The following PPM1A variants were observed in gnomAD, a reference collection of about 807,000 sequenced individuals.
PPM1A encodes the protein protein phosphatase, Mg2+/Mn2+ dependent 1A.
Under a neutral mutation model 35.0 loss-of-function variants are expected in PPM1A, and 7 were observed. The observed-to-expected ratio is 0.20, with a 90% confidence interval of 0.11 to 0.38. PPM1A has a LOEUF of 0.38. Among genes scored for constraint, PPM1A ranks in the 10% least tolerant of loss-of-function variants. The probability of loss-of-function intolerance (pLI) is 1.00; values close to 1 mark genes in which losing one functional copy is unlikely to be tolerated. For synonymous variants in PPM1A, 153 were observed against 167.3 expected (o/e 0.91, Z 0.66); for missense variants, 239 against 467.8 (o/e 0.51, Z 4.51).
intron 2 of PPM1A, among the ~76,000 whole-genome samples, chr14:60,285,280 A>C (rs543032668): frequency 2.0e-5 from 3 of 152,356 alleles, no homozygotes; most frequent in African/African-American, 7.2e-5. Context: ...ACACATGTAT[A>C]TTTGTATTAG....
At chr14:60,248,469 GT>G (rs1881937574), upstream of PPM1A, among the ~76,000 whole-genome samples, 2 of 152,348 alleles carry the variant, frequency 1.3e-5, no homozygotes, top group Non-Finnish European at 2.9e-5. Context: ...GCGTGAATCA[GT>G]TGCACTCGCA....
intron 1 of PPM1A, among the ~76,000 whole-genome samples, chr14:60,265,004 G>T (rs979276141): frequency 1.3e-5 from 2 of 151,958 alleles, no homozygotes; most frequent in African/African-American, 4.8e-5. Context: ...TTTTCTTTGT[G>T]TGTTTTGAGT....
chr14:60,247,339 A>C (rs1342261329), upstream of PPM1A, among the ~76,000 whole-genome samples: 2 of 152,112 alleles, frequency 1.3e-5, no homozygotes, highest in Admixed American at 1.3e-4. Flanking sequence ...TCATCTTCTA[A>C]GGAATTCTGG....
intron 3 of PPM1A, chr14:60,287,716 T>G (rs945656338): frequency 1.0e-6 from 1 of 985,080 alleles, no homozygotes; most frequent in Admixed American, 6.2e-5. Flanking sequence ...TGTTCCCTTC[T>G]AAATACTTGA....
At chr14:60,279,265 C>A (rs1284335040) in intron 1 of PPM1A, among the ~76,000 whole-genome samples, 1 of 152,094 alleles carries the variant, frequency 6.6e-6, no homozygotes, top group African/African-American at 2.4e-5. Context: ...ATTACAGGCG[C>A]CAGCCACCAC....
chr14:60,279,888 A>G (rs774048695), intron 1 of PPM1A, among the ~76,000 whole-genome samples: 1 of 148,764 alleles, frequency 6.7e-6, no homozygotes, highest in Non-Finnish European at 1.5e-5. Flanking sequence ...TAAAAATTAT[A>G]TAATAATATC....
chr14:60,293,527 C>A lies in PPM1A; in HGVS notation c.*1045C>A, dbSNP rs144474881. On this transcript the variant is annotated 3_prime_UTR_variant, in exon 6 of 6. Transcript: ENST00000395076. The surrounding 1 kb of genome is among the most constrained non-coding windows in gnomAD (Gnocchi z 4.0). ...ATTAGAAAGACTAAAAGATTTAATTCTTGGTTGTACCTTAATCTATTTTTT... is the reference window on the plus strand; with the variant it reads ...ATTAGAAAGACTAAAAGATTTAATTATTGGTTGTACCTTAATCTATTTTTT... 3 of 152,000 alleles carry A rather than the reference C, an allele frequency of 2.0e-5. No individual in the cohort carries two copies. Among genetic ancestry groups the A allele is most frequent in the African/African-American group, 7.2e-5 (3 of 41,428 alleles). 9.4% of individuals were successfully genotyped at this position (152,000 alleles called of 1,614,324 possible). A position where few individuals can be genotyped will look rare whatever the true frequency, so the allele number is the denominator to read the frequency against.
chr14:60,252,601 G>A (rs976884134), intron 1 of PPM1A, among the ~76,000 whole-genome samples: 5 of 152,180 alleles, frequency 3.3e-5, no homozygotes, highest in African/African-American at 1.2e-4. Flanking sequence ...GTCACAATAT[G>A]TCCTGTCTTC....
intron 1 of PPM1A, among the ~76,000 whole-genome samples, chr14:60,258,519 G>C (rs1015244371): frequency 3.3e-5 from 5 of 152,024 alleles, no homozygotes; most frequent in African/African-American, 1.2e-4. Context: ...TGTATCTAAT[G>C]ATGTTGATAA....
chr14:60,271,807 T>C (rs1000075120), intron 1 of PPM1A, among the ~76,000 whole-genome samples: 2 of 152,248 alleles, frequency 1.3e-5, no homozygotes, highest in South Asian at 4.1e-4. Context: ...GGGAATTCCA[T>C]CCACATGATT....
intron 1 of PPM1A, among the ~76,000 whole-genome samples, chr14:60,253,771 T>G (rs992156718): frequency 6.6e-6 from 1 of 152,200 alleles, no homozygotes; most frequent in African/African-American, 2.4e-5. Flanking sequence ...ATGTTAATTC[T>G]CAAGTGGTTG....
At chr14:60,284,364 G>A (rs1427050379) in intron 2 of PPM1A, among the ~76,000 whole-genome samples, 5 of 152,096 alleles carry the variant, frequency 3.3e-5, no homozygotes, top group Non-Finnish European at 7.4e-5. Flanking sequence ...GACTGTTGCC[G>A]GGCGCGGTGG....
At position 60,249,588 on chromosome 14, in the gene PPM1A, G is replaced by A. The variant is rs988943598; in HGVS notation, c.-110G>A. The A allele has an allele frequency of 6.1e-6, 6 of 986,938 alleles. No homozygotes were observed. In the African/African-American group the frequency reaches 8.8e-5, roughly 14 times the overall value. The allele number at this position is 986,938 out of a possible 1,614,324, so 61.1% of individuals were successfully genotyped here. A position where few individuals can be genotyped will look rare whatever the true frequency, so the allele number is the denominator to read the frequency against. On this transcript the variant is annotated 5_prime_UTR_variant, in exon 1 of 6. Coordinates refer to ENST00000395076, the MANE Select transcript of PPM1A (RefSeq NM_021003.5). This position sits in a 1 kb window ranked among gnomAD's most constrained non-coding sequence, Gnocchi z 4.5. ...TGCAGCGGTGACCCCTCCCCCGGCT[G>A]CCGCCGTCGCCGCCGCGGTGACCCC...
intron 1 of PPM1A, among the ~76,000 whole-genome samples, chr14:60,269,181 A>G (rs1400402688): frequency 6.6e-6 from 1 of 152,148 alleles, no homozygotes. Flanking sequence ...TGAAATTGCA[A>G]TTCTTGGTAT....
intron 3 of PPM1A, chr14:60,287,037 A>G (rs1237383042): frequency 4.3e-6 from 4 of 931,900 alleles, no homozygotes; most frequent in Admixed American, 6.2e-5. Flanking sequence ...TAAGAATAAT[A>G]TGTATAGGGA....
intron 1 of PPM1A, among the ~76,000 whole-genome samples, chr14:60,262,527 A>T (rs540869951): frequency 1.3e-5 from 2 of 152,246 alleles, no homozygotes; most frequent in Non-Finnish European, 2.9e-5. Context: ...CTACAAAAAA[A>T]TTTTTAAAAT....
chr14:60,250,490 C>T (rs1047538938), intron 1 of PPM1A: 39 of 925,508 alleles, frequency 4.2e-5, no homozygotes, highest in Non-Finnish European at 4.6e-5. Flanking sequence ...AGGTATTTTT[C>T]TTCTCTCCTG....
chr14:60,273,063 T>G lies in PPM1A; in HGVS notation c.-20-9621T>G, dbSNP rs1164848658. Reference sequence around the variant, plus strand: ...CTGAGGAACACTTTCTTCTCATTTCTTTGATGATAGCTTCTCTGTTTCTCC... The same window carrying G: ...CTGAGGAACACTTTCTTCTCATTTCGTTGATGATAGCTTCTCTGTTTCTCC... On this transcript the variant is annotated intron_variant, in intron 1 of 5. Transcript: ENST00000395076. This position sits in a 1 kb window ranked among gnomAD's most constrained non-coding sequence, Gnocchi z 4.3. 6.6e-6 allele frequency among the ~76,000 whole-genome samples: 1 copy of G among 152,238 alleles called. No individual in the cohort carries two copies. The highest frequency in any genetic ancestry group is 1.5e-5 in the Non-Finnish European group (1 of 68,044).
Position 60,289,862 on chromosome 14 carries a change from T to C in PPM1A, c.1009T>C (p.Leu337=), listed in dbSNP as rs145159470. 1.2e-4 allele frequency: 199 copies of C among 1,595,448 alleles called. No homozygotes were observed. In the East Asian group the frequency reaches 3.5e-3, roughly 28 times the overall value. The change falls in exon 4 of 6, where the codon TTA becomes CTA. Residue 337 remains leucine, a synonymous_variant. Transcript: ENST00000395076. The surrounding 1 kb of genome is among the most constrained non-coding windows in gnomAD (Gnocchi z 4.1). ...VPDLVHVMRT[L]ASENIPSLPP... is the part of the protein sequence containing the mutation. ...CGACTTAGTCCATGTGATGCGCACA[T>C]TAGCGAGTGAGAACATCCCCAGCCT... is the stretch of plus-strand genomic sequence containing the variant.
Sources: gnomAD v4.1 joint callset for allele counts (sites outside exome capture counted in the v4.1 genomes callset) on GRCh38, gnomAD v4.1.1 for gene constraint, Gnocchi (gnomAD v3.1) non-coding constraint, MANE v1.5 for transcripts, NCBI Gene and HGNC (gene_info 2026-07-23, HGNC 2026-07-21) for gene names.